The following RUNX1 variants were observed in gnomAD, a reference collection of about 807,000 sequenced individuals.
RUNX1 encodes the protein RUNX family transcription factor 1.
A neutral mutation model predicts 42.8 loss-of-function variants in RUNX1; 19 were observed. The observed-to-expected ratio is 0.44, with a 90% CI of 0.31 to 0.65. RUNX1 has a LOEUF of 0.65. Ranked by LOEUF, RUNX1 falls within the 30% of genes least tolerant of loss-of-function variation. The pLI is 0.07. For missense variants in RUNX1, 528 were observed against 672.0 expected (o/e 0.79, Z 2.37); for synonymous variants, 271 against 289.4 (o/e 0.94, Z 0.64).
At chr21:34,987,947 T>A (rs192715442) in intron 2 of RUNX1, among the ~76,000 whole-genome samples, 17 of 152,334 alleles carry the variant, frequency 1.1e-4, no homozygotes, top group African/African-American at 4.1e-4. Context: ...ATCACGGAGA[T>A]TCTTAGAACC....
intron 2 of RUNX1, among the ~76,000 whole-genome samples, chr21:34,952,177 G>A (rs939838562): frequency 1.2e-4 from 18 of 152,108 alleles, no homozygotes; most frequent in Non-Finnish European, 1.3e-4. Flanking sequence ...GTTGAACAAG[G>A]AGAACACATG....
intron 3 of RUNX1, 136 bp from the exon 4 acceptor site, chr21:34,887,232 C>A: frequency 2.0e-6 from 1 of 496,732 alleles, no homozygotes; most frequent in Admixed American, 8.2e-4. Flanking sequence ...GCCTTTATTA[C>A]TGCGGGGGGT....
intron 3 of RUNX1, among the ~76,000 whole-genome samples, chr21:34,890,804 A>C (rs1034158417): frequency 8.2e-6 from 1 of 121,306 alleles, no homozygotes; most frequent in Non-Finnish European, 1.6e-5. Flanking sequence ...GCCCGCCCGC[A>C]GGGGCCGCAG....
Position 34,852,174 on chromosome 21 carries a change from CAA to C in RUNX1, c.613+7298_613+7299del, listed in dbSNP as rs1270224453. ...AAGAGCAAGACTCTGTCTCAAAAAA[CAA>C]AACAAAACAAAACAAAACAAAACAA... On this transcript the variant is annotated intron_variant, in intron 6 of 8. Coordinates refer to ENST00000675419, the MANE Select transcript of RUNX1 (RefSeq NM_001754.5). Among the ~76,000 whole-genome samples, 3 of 107,634 alleles carry C rather than the reference CAA, an allele frequency of 2.8e-5. No homozygotes were observed. In the South Asian group the frequency reaches 1.1e-3, roughly 40 times the overall value. 70.6% of individuals were successfully genotyped at this position (107,634 alleles called of 152,430 possible). A position where few individuals can be genotyped will look rare whatever the true frequency, so the allele number is the denominator to read the frequency against.
rs903634879 is a variant in RUNX1 at position 34,843,420 on chromosome 21, TAC to T, written c.614-8821_614-8820del. Among the ~76,000 whole-genome samples, 1 of 151,844 alleles carries T rather than the reference TAC, an allele frequency of 6.6e-6. No individual in the cohort carries two copies. Among genetic ancestry groups the T allele is most frequent in the Admixed American group, 6.6e-5 (1 of 15,262 alleles). ...ACATGCATATACACACAGGCAGATA[TAC>T]AGACATGGGGACACATATATACAAA... On this transcript the variant is annotated intron_variant, in intron 6 of 8. Coordinates refer to ENST00000675419, the MANE Select transcript of RUNX1 (RefSeq NM_001754.5). This position sits in a 1 kb window ranked among gnomAD's most constrained non-coding sequence, Gnocchi z 4.8.
chr21:34,840,484 C>A (rs1279099912), intron 6 of RUNX1, among the ~76,000 whole-genome samples: 1 of 152,254 alleles, frequency 6.6e-6, no homozygotes, highest in East Asian at 1.9e-4. Flanking sequence ...CTCCAAGGGA[C>A]TCTAAAAGCA....
chr21:34,887,727 T>A, intron 3 of RUNX1: 1 of 1,059,870 alleles, frequency 9.4e-7, no homozygotes, highest in Non-Finnish European at 1.1e-6. Context: ...CTCTACTTCA[T>A]AAAATATTTA....
chr21:34,912,563 G>C (rs180882536), intron 2 of RUNX1, among the ~76,000 whole-genome samples: 11 of 152,282 alleles, frequency 7.2e-5, no homozygotes, highest in African/African-American at 2.6e-4. Context: ...TTCTGGCCAA[G>C]TCAAAACTAC....
At chr21:34,818,897 TA>T (rs1421323388) in intron 7 of RUNX1, among the ~76,000 whole-genome samples, 1 of 152,200 alleles carries the variant, frequency 6.6e-6, no homozygotes, top group Non-Finnish European at 1.5e-5. Flanking sequence ...CTCTTTCGCC[TA>T]AGTGCTGTTT....
At chr21:34,894,082 T>TAATTG (rs1182533237) in intron 2 of RUNX1, among the ~76,000 whole-genome samples, 1 of 152,198 alleles carries the variant, frequency 6.6e-6, no homozygotes, top group Non-Finnish European at 1.5e-5. Context: ...TCATTTGCAC[T>TAATTG]AATTGTGAAT....
chr21:34,965,619 CA>C (rs2058713202), intron 2 of RUNX1, among the ~76,000 whole-genome samples: 1 of 152,132 alleles, frequency 6.6e-6, no homozygotes, highest in South Asian at 2.1e-4. Context: ...TAAAGAACTG[CA>C]TGTCCTTGTT....
Position 34,791,693 on chromosome 21 carries a change from TC to T in RUNX1, c.*441del, listed in dbSNP as rs1196393640. ...AACAGGGCGAGTTGCATCCCTCCTC[TC>T]CCCCCACCCCAACCAAAATTCCACA... On this transcript the variant is annotated 3_prime_UTR_variant, in exon 9 of 9. Transcript: ENST00000675419. 1.7e-5 allele frequency: 4 copies of T among 230,132 alleles called. No homozygotes were observed. The highest frequency in any genetic ancestry group is 2.6e-5 in the Non-Finnish European group (3 of 116,046). The allele number at this position is 230,132 out of a possible 1,614,324, so 14.3% of individuals were successfully genotyped here.
chr21:34,833,306 A>T (rs59784850), intron 7 of RUNX1: 2 of 152,140 alleles, frequency 1.3e-5, no homozygotes, highest in African/African-American at 4.8e-5. Flanking sequence ...GGGTTTCACC[A>T]TGTTAGCCAG....
At chr21:34,962,767 C>T (rs139710441) in intron 2 of RUNX1, among the ~76,000 whole-genome samples, 46 of 152,340 alleles carry the variant, frequency 3.0e-4, no homozygotes, top group African/African-American at 1.1e-3. Flanking sequence ...AGATGGGGAA[C>T]ATGGCGTTTC....
At position 34,835,120 on chromosome 21, in the gene RUNX1, G is replaced by A. The variant is rs79938245; in HGVS notation, c.614-519C>T. 7.6e-3 allele frequency among the ~76,000 whole-genome samples: 1,152 copies of A among 152,140 alleles called. 13 individuals carry two copies. The highest frequency in any genetic ancestry group is 0.025 in the African/African-American group (1,055 of 41,510). Reference sequence around the variant, plus strand: ...GGCCCCTTCCAAGAGGAAATGAGGCGTGGCTGCAAACCCACAGCCTCTGGG... The same window carrying A: ...GGCCCCTTCCAAGAGGAAATGAGGCATGGCTGCAAACCCACAGCCTCTGGG... On this transcript the variant is annotated intron_variant, in intron 6 of 8. Coordinates refer to ENST00000675419, the MANE Select transcript of RUNX1 (RefSeq NM_001754.5).
chr21:34,907,015 G>A lies in RUNX1; in HGVS notation c.59-14052C>T, dbSNP rs572703098. 6.6e-6 allele frequency among the ~76,000 whole-genome samples: 1 copy of A among 152,314 alleles called. No individual in the cohort carries two copies. Among genetic ancestry groups the A allele is most frequent in the Non-Finnish European group, 1.5e-5 (1 of 68,032 alleles). ...CCAATTCTCCCTCTGACTTTAGTGA[G>A]TGTACAATGCAAATAGGTGTTTTGA... On this transcript the variant is annotated intron_variant, in intron 2 of 8. Coordinates refer to ENST00000675419, the MANE Select transcript of RUNX1 (RefSeq NM_001754.5). The surrounding 1 kb of genome is among the most constrained non-coding windows in gnomAD (Gnocchi z 5.3).
In RUNX1 at chr21:34,843,183, G is replaced by GAC. The variant is rs1000713000; in HGVS notation, c.614-8584_614-8583dup. ...ACAGGCATGCATGTAAACACATACA[G>GAC]ACACACACATACACAGACACCTGGA... On this transcript the variant is annotated intron_variant, in intron 6 of 8. Transcript: ENST00000675419. The surrounding 1 kb of genome is among the most constrained non-coding windows in gnomAD (Gnocchi z 4.8). Among the ~76,000 whole-genome samples, 1 of 151,698 alleles carries GAC rather than the reference G, an allele frequency of 6.6e-6. No homozygotes were observed. Among genetic ancestry groups the GAC allele is most frequent in the African/African-American group, 2.4e-5 (1 of 41,256 alleles).
chr21:34,821,484 T>C, intron 7 of RUNX1: 1 of 1,445,700 alleles, frequency 6.9e-7, no homozygotes, highest in Non-Finnish European at 9.2e-7. Flanking sequence ...GAACTATTAT[T>C]GTTACGACGG....
At chr21:34,976,861 T>TA (rs75849578) in intron 2 of RUNX1, among the ~76,000 whole-genome samples, 122 of 147,622 alleles carry the variant, frequency 8.3e-4, no homozygotes, top group South Asian at 4.7e-3. Flanking sequence ...GTAGAAAAGT[T>TA]AAAAAAAAAA....
Sources: allele counts gnomAD v4.1 joint callset (sites outside exome capture counted in the v4.1 genomes callset), GRCh38; gene constraint gnomAD v4.1.1; non-coding constraint Gnocchi (gnomAD v3.1); transcripts MANE v1.5; gene names NCBI Gene and HGNC (gene_info 2026-07-23, HGNC 2026-07-21).